SRRM3: variants seen among roughly 807,000 people sequenced by gnomAD.
SRRM3 encodes the protein serine/arginine repetitive matrix protein 3.
A neutral mutation model predicts 66.2 loss-of-function variants in SRRM3; 27 were observed. The ratio of observed to expected loss-of-function variants is 0.41; its 90% CI spans 0.30 to 0.56. The LOEUF is 0.56. SRRM3 is among the 20% of genes least tolerant of loss of function. The pLI is 0.32. For missense variants in SRRM3, 918 were observed against 991.9 expected, an observed-to-expected ratio of 0.93 and a Z score of 1.00; for synonymous variants, 391 against 414.9, an observed-to-expected ratio of 0.94 and a Z score of 0.70.
At chr7:76,265,311 G>A in intron 9 of SRRM3, 53 bp from the exon 10 acceptor site, 2 of 1,413,978 alleles carry the variant, frequency 1.4e-6, no homozygotes, top group Admixed American at 1.9e-5. Flanking sequence ...GGGGCTGGGG[G>A]GATCACGGGG....
chr7:76,277,716 C>CAAAAAAAA (rs386353056), intron 11 of SRRM3, among the ~76,000 whole-genome samples: 1 of 102,766 alleles, frequency 9.7e-6, no homozygotes, highest in Non-Finnish European at 1.8e-5. Flanking sequence ...TAAACAACAA[C>CAAAAAAAA]AAAAAAAAAA....
chr7:76,229,065 AT>A (rs1171234654), intron 1 of SRRM3, among the ~76,000 whole-genome samples: 1 of 151,820 alleles, frequency 6.6e-6, no homozygotes, highest in East Asian at 1.9e-4. Flanking sequence ...CACCCGGCTA[AT>A]TTTTTGTATA....
intron 1 of SRRM3, among the ~76,000 whole-genome samples, chr7:76,211,420 C>T (rs78025581): frequency 0.046 from 3,448 of 74,250 alleles, 97 homozygotes; most frequent in East Asian, 0.21. Context: ...TGTTGGGGGG[C>T]GGGGGGGGAA....
intron 1 of SRRM3, among the ~76,000 whole-genome samples, chr7:76,202,399 G>A (rs1403157165): frequency 6.6e-6 from 1 of 152,168 alleles, no homozygotes; most frequent in Non-Finnish European, 1.5e-5. Flanking sequence ...CCCCAGGGAA[G>A]GGAGGACCGA....
chr7:76,275,118 A>G (rs1446731572), intron 11 of SRRM3, among the ~76,000 whole-genome samples: 64 of 151,664 alleles, frequency 4.2e-4, no homozygotes, highest in Non-Finnish European at 7.4e-4. Flanking sequence ...AAAAAAAAAA[A>G]AAAGAAAAAG....
chr7:76,234,751 G>A (rs1383188289), intron 1 of SRRM3, among the ~76,000 whole-genome samples: 1 of 152,120 alleles, frequency 6.6e-6, no homozygotes, highest in Non-Finnish European at 1.5e-5. Flanking sequence ...GTTCCTGGAG[G>A]TGACACGATT....
At chr7:76,241,143 C>T (rs1238180357) in intron 2 of SRRM3, among the ~76,000 whole-genome samples, 3 of 152,148 alleles carry the variant, frequency 2.0e-5, no homozygotes, top group Admixed American at 6.5e-5. Context: ...GTGATCTGCC[C>T]GCCTCGGCCT....
intron 8 of SRRM3, among the ~76,000 whole-genome samples, chr7:76,263,905 A>AAAAG (rs1563633331): frequency 3.5e-5 from 5 of 143,650 alleles, no homozygotes; most frequent in African/African-American, 1.4e-4. Flanking sequence ...AAAAAAAAAA[A>AAAAG]GCAGGGACAT....
chr7:76,225,596 G>A (rs929181551), intron 1 of SRRM3, among the ~76,000 whole-genome samples: 9 of 152,054 alleles, frequency 5.9e-5, no homozygotes, highest in Non-Finnish European at 1.3e-4. Context: ...CAGAGACAAG[G>A]GGAGCAGGGA....
intron 2 of SRRM3, among the ~76,000 whole-genome samples, chr7:76,238,751 C>T (rs910350454): frequency 6.6e-6 from 1 of 152,232 alleles, no homozygotes; most frequent in Non-Finnish European, 1.5e-5. Flanking sequence ...ACCTCTGCCT[C>T]CTGGGTTCAA....
intron 1 of SRRM3, among the ~76,000 whole-genome samples, chr7:76,202,766 T>C (rs1401181608): frequency 6.6e-6 from 1 of 152,020 alleles, no homozygotes; most frequent in Non-Finnish European, 1.5e-5. Context: ...AGAAGAGAGC[T>C]GAGAAAAGAC....
In SRRM3 at chr7:76,266,168, T is replaced by TTATTTATATATTTAATATATATAAA. The variant is rs1325465738; in HGVS notation, c.830+771_830+795dup. ...CAGGCGTGAGCCACCGCGCCCGGCC[T>TTATTTATATATTTAATATATATAAA]TATTTATATATTTAATATATATAAA... On this transcript the variant is annotated intron_variant, in intron 10 of 14. Transcript: ENST00000611745. Among the ~76,000 whole-genome samples, 30 of 18,328 alleles carry TTATTTATATATTTAATATATATAAA rather than the reference T, an allele frequency of 1.6e-3. 3 individuals carry two copies. The highest frequency in any genetic ancestry group is 3.9e-3 in the East Asian group (3 of 762). 12.0% of individuals were successfully genotyped at this position (18,328 alleles called of 152,430 possible).
At chr7:76,266,464 ATT>A (rs1583927873) in intron 10 of SRRM3, among the ~76,000 whole-genome samples, 1 of 111,512 alleles carries the variant, frequency 9.0e-6, no homozygotes, top group Middle Eastern at 4.5e-3. Flanking sequence ...ATTTATATAT[ATT>A]ATAAATATTT....
Position 76,259,940 on chromosome 7 carries a change from G to A in SRRM3, c.370G>A (p.Glu124Lys), listed in dbSNP as rs1801810802. The change falls in exon 4 of 15, where the codon GAG (glutamate) becomes AAG (lysine). Residue 124 changes from glutamate (E) to lysine (K), a missense_variant. Physicochemically the swap from Glu to Lys is moderately conservative, Grantham distance 56 (BLOSUM62 1). Transcript: ENST00000611745. ...AETPRLTEGA[E>K]PGLEYAPFDD... ...GACCCCGCGGCTGACCGAGGGCGCT[G>A]AGCCGGGCCTGGAGTACGCGCCCTT... is the stretch of plus-strand genomic sequence containing the variant. The A allele has an allele frequency of 3.7e-6, 6 of 1,601,886 alleles. No individual in the cohort carries two copies. The highest frequency in any genetic ancestry group is 3.4e-6 in the Non-Finnish European group (4 of 1,179,528).
At chr7:76,242,149 C>G (rs1340568595) in intron 2 of SRRM3, among the ~76,000 whole-genome samples, 1 of 152,178 alleles carries the variant, frequency 6.6e-6, no homozygotes, top group Non-Finnish European at 1.5e-5. Flanking sequence ...AATAGAGCAG[C>G]AGTCTCCGAC....
intron 2 of SRRM3, among the ~76,000 whole-genome samples, chr7:76,244,597 C>T (rs1181063725): frequency 6.6e-6 from 1 of 151,614 alleles, no homozygotes; most frequent in Non-Finnish European, 1.5e-5. Context: ...GACCTCCTGA[C>T]TCATTCAATT....
At chr7:76,240,405 G>A (rs1289995467) in intron 2 of SRRM3, among the ~76,000 whole-genome samples, 6 of 152,056 alleles carry the variant, frequency 3.9e-5, no homozygotes, top group African/African-American at 1.4e-4. Context: ...CAGATCACGA[G>A]GTCAGGAGAT....
At chr7:76,265,907 C>T (rs557258798) in intron 10 of SRRM3, among the ~76,000 whole-genome samples, 1 of 37,814 alleles carries the variant, frequency 2.6e-5, no homozygotes, top group Non-Finnish European at 3.4e-5. Flanking sequence ...CTCGCTCTGT[C>T]GCCCAGGCTG....
At chr7:76,232,140 A>C (rs1450263700) in intron 1 of SRRM3, among the ~76,000 whole-genome samples, 3 of 152,162 alleles carry the variant, frequency 2.0e-5, no homozygotes, top group Non-Finnish European at 4.4e-5. Context: ...TGAGCTTCAC[A>C]TGCACTAGGC....
Sources: allele counts gnomAD v4.1 joint callset (sites outside exome capture counted in the v4.1 genomes callset), GRCh38; gene constraint gnomAD v4.1.1; transcripts MANE v1.5; gene names NCBI Gene and HGNC (gene_info 2026-07-23, HGNC 2026-07-21).